The following DEPTOR variants were observed in gnomAD, a reference collection of about 807,000 sequenced individuals.
DEPTOR encodes the protein DEP domain containing MTOR interacting protein.
Under a neutral mutation model 41.6 loss-of-function variants are expected in DEPTOR, and 41 were observed. The ratio of observed to expected loss-of-function variants is 0.98; its 90% CI spans 0.77 to 1.28. The LOEUF is 1.28. DEPTOR is among the 50% of genes most tolerant of loss of function. The pLI, the probability that DEPTOR is intolerant of heterozygous loss-of-function variation, is 0.00. For synonymous variants in DEPTOR, 195 were observed against 192.3 expected (o/e 1.01, Z -0.12); for missense variants, 514 against 527.9 (o/e 0.97, Z 0.26).
chr8:119,913,409 C>T (rs896514829), intron 1 of DEPTOR, among the ~76,000 whole-genome samples: 3 of 152,160 alleles, frequency 2.0e-5, no homozygotes, highest in Admixed American at 2.0e-4. Flanking sequence ...CACTGGTTTA[C>T]AGAAATAACA....
At chr8:119,944,538 C>G (rs577616151) in intron 3 of DEPTOR, among the ~76,000 whole-genome samples, 1 of 152,092 alleles carries the variant, frequency 6.6e-6, no homozygotes, top group African/African-American at 2.4e-5. Context: ...ACTATAAGCT[C>G]TCTGAGGTCA....
chr8:120,018,503 C>T (rs1274561108), intron 8 of DEPTOR, among the ~76,000 whole-genome samples: 2 of 152,108 alleles, frequency 1.3e-5, no homozygotes, highest in African/African-American at 2.4e-5. Flanking sequence ...TGCTTGAACC[C>T]GGGAGGTGGA....
intron 4 of DEPTOR, among the ~76,000 whole-genome samples, chr8:119,975,391 G>A (rs1056362295): frequency 2.6e-5 from 4 of 152,128 alleles, no homozygotes; most frequent in African/African-American, 9.7e-5. Flanking sequence ...GGAAAACTTT[G>A]TTTAAGATAA....
chr8:119,917,711 C>T (rs1026005396), intron 1 of DEPTOR, among the ~76,000 whole-genome samples: 2 of 152,136 alleles, frequency 1.3e-5, no homozygotes, highest in East Asian at 1.9e-4. Context: ...GCCCAACACC[C>T]GTAAAGGGTC....
intron 8 of DEPTOR, among the ~76,000 whole-genome samples, chr8:120,014,619 C>T (rs987932103): frequency 2.6e-5 from 4 of 151,986 alleles, no homozygotes; most frequent in African/African-American, 4.8e-5. Context: ...CCTCCGCCTC[C>T]CGGGTTCAAG....
Position 120,000,289 on chromosome 8 carries a change from C to A in DEPTOR, c.605-1236C>A, listed in dbSNP as rs1812327016. ...AAGAAATTGTGTGCTGTAGCTAATA[C>A]CCCTCCCAAACCAACCCCAAGGCCC... On this transcript the variant is annotated intron_variant, in intron 4 of 8. Coordinates refer to ENST00000286234, the MANE Select transcript of DEPTOR (RefSeq NM_022783.4). Among the ~76,000 whole-genome samples the A allele has an allele frequency of 2.0e-5, 3 of 151,924 alleles. No individual in the cohort carries two copies. In the South Asian group the frequency reaches 6.2e-4, roughly 32 times the overall value.
At chr8:119,915,963 A>AG in intron 1 of DEPTOR, among the ~76,000 whole-genome samples, 1 of 147,728 alleles carries the variant, frequency 6.8e-6, no homozygotes, top group South Asian at 2.1e-4. Context: ...AAAAAAAAAA[A>AG]AAAAGCTGAA....
intron 3 of DEPTOR, among the ~76,000 whole-genome samples, chr8:119,960,944 A>C (rs894488686): frequency 2.0e-5 from 3 of 152,052 alleles, no homozygotes; most frequent in Non-Finnish European, 4.4e-5. Flanking sequence ...GCACCATTGC[A>C]CTCCAGCCTG....
At position 120,033,335 on chromosome 8, in the gene DEPTOR, C is replaced by T. The variant is rs139964943; in HGVS notation, c.1102-16241C>T. Among the ~76,000 whole-genome samples the T allele has an allele frequency of 3.5e-3, 540 of 152,244 alleles. 4 individuals are homozygous for T. Among genetic ancestry groups the T allele is most frequent in the Admixed American group, 6.2e-3 (95 of 15,276 alleles). Reference sequence around the variant, plus strand: ...CTCCTAACCTCAGGTGTTCCACCCACCTCTGCCTCCCAAAGTGCTGGGATT... The same window carrying T: ...CTCCTAACCTCAGGTGTTCCACCCATCTCTGCCTCCCAAAGTGCTGGGATT... On this transcript the variant is annotated intron_variant, in intron 8 of 8. Transcript: ENST00000286234.
intron 4 of DEPTOR, among the ~76,000 whole-genome samples, chr8:119,973,797 A>G (rs1005844475): frequency 6.6e-6 from 1 of 152,216 alleles, no homozygotes; most frequent in Non-Finnish European, 1.5e-5. Flanking sequence ...TTTTAAACAT[A>G]TATTTATATC....
intron 1 of DEPTOR, among the ~76,000 whole-genome samples, chr8:119,895,727 T>C (rs572835871): frequency 6.6e-6 from 1 of 152,290 alleles, no homozygotes; most frequent in African/African-American, 2.4e-5. Flanking sequence ...ATTCCTTGGG[T>C]CCCTCCTCAG....
chr8:120,030,771 G>A (rs975593176), intron 8 of DEPTOR, among the ~76,000 whole-genome samples: 4 of 151,694 alleles, frequency 2.6e-5, no homozygotes, highest in African/African-American at 7.3e-5. Flanking sequence ...TGGGATTACC[G>A]GTGTAAGCCG....
At position 119,936,575 on chromosome 8, in the gene DEPTOR, A is replaced by T. The variant is rs969525578; in HGVS notation, c.425+6637A>T. On this transcript the variant is annotated intron_variant, in intron 3 of 8. Transcript: ENST00000286234. ...AATGGGGGACATGAGCTGTGGAGAG[A>T]GGTTTAATGACTGAGATAGACCCTA... 2.6e-5 allele frequency among the ~76,000 whole-genome samples: 4 copies of T among 152,200 alleles called. No individual in the cohort carries two copies. The South Asian group carries it at 8.3e-4, about 31-fold the overall frequency.
At chr8:119,911,311 C>CT (rs147066045) in intron 1 of DEPTOR, among the ~76,000 whole-genome samples, 1,745 of 105,374 alleles carry the variant, frequency 0.017, 51 homozygotes, top group African/African-American at 0.043. Flanking sequence ...TACACACATT[C>CT]TTTTTTTTTT....
At position 119,930,205 on chromosome 8, in the gene DEPTOR, A is replaced by G. The variant is rs79663732; in HGVS notation, c.425+267A>G. 7.2e-3 allele frequency among the ~76,000 whole-genome samples: 1,090 copies of G among 152,296 alleles called. 8 individuals are homozygous for G. The highest frequency in any genetic ancestry group is 0.011 in the Non-Finnish European group (778 of 68,026). ...CAAAGCTCCAGAATTTTTGTTTACC[A>G]TCAAATGATGTGGATGCCCCTTTCC... On this transcript the variant is annotated intron_variant, in intron 3 of 8. Coordinates refer to ENST00000286234, the MANE Select transcript of DEPTOR (RefSeq NM_022783.4).
At chr8:119,879,366 T>A (rs1240257780) in intron 1 of DEPTOR, among the ~76,000 whole-genome samples, 1 of 152,180 alleles carries the variant, frequency 6.6e-6, no homozygotes, top group Non-Finnish European at 1.5e-5. Context: ...TGAGAAAACA[T>A]GTCTACATAA....
intron 1 of DEPTOR, among the ~76,000 whole-genome samples, chr8:119,917,882 G>T (rs574501482): frequency 6.6e-6 from 1 of 152,246 alleles, no homozygotes; most frequent in African/African-American, 2.4e-5. Flanking sequence ...GCCTTAGGGC[G>T]GAGGTGGAAC....
intron 6 of DEPTOR, among the ~76,000 whole-genome samples, chr8:120,003,507 G>A (rs1812388268): frequency 6.6e-6 from 1 of 152,146 alleles, no homozygotes; most frequent in South Asian, 2.1e-4. Context: ...GCTGAGGGCT[G>A]TCACCATTAG....
intron 4 of DEPTOR, among the ~76,000 whole-genome samples, chr8:119,987,688 C>T (rs915664086): frequency 6.6e-6 from 1 of 152,168 alleles, no homozygotes; most frequent in African/African-American, 2.4e-5. Context: ...ATCTATAAGT[C>T]CCTGACTGGG....
Sources: allele counts gnomAD v4.1 joint callset (sites outside exome capture counted in the v4.1 genomes callset), GRCh38; gene constraint gnomAD v4.1.1; transcripts MANE v1.5; gene names NCBI Gene and HGNC (gene_info 2026-07-23, HGNC 2026-07-21).